Variants in NRXN1 observed in about 807,000 individuals in gnomAD.
NRXN1 encodes the protein neurexin 1, also known as neurexin-1.
Under a neutral mutation model 150.9 loss-of-function variants are expected in NRXN1, and 39 were observed. The ratio of observed to expected loss-of-function variants is 0.26; its 90% CI spans 0.20 to 0.34. The LOEUF (loss-of-function observed/expected upper bound fraction) is 0.34, where lower values mean the gene tolerates loss of function less well. Among genes scored for constraint, NRXN1 ranks in the 10% least tolerant of loss-of-function variants. The probability of loss-of-function intolerance (pLI) is 1.00; values close to 1 mark genes in which losing one functional copy is unlikely to be tolerated. For synonymous variants in NRXN1, 924 were observed against 757.0 expected, an observed-to-expected ratio of 1.22 and a Z score of -3.62; for missense variants, 1,815 against 1,949.9, an observed-to-expected ratio of 0.93 and a Z score of 1.30.
chr2:51,025,759 A>G lies in NRXN1; in HGVS notation c.772+1743T>C, dbSNP rs1370928745. 3.9e-5 allele frequency among the ~76,000 whole-genome samples: 6 copies of G among 152,334 alleles called. No individual in the cohort carries two copies. The East Asian group carries it at 5.8e-4, about 15-fold the overall frequency. On this transcript the variant is annotated intron_variant, in intron 2 of 22. Coordinates refer to ENST00000401669, the MANE Select transcript of NRXN1 (RefSeq NM_001330078.2). ...TTCATGATTCACAAGTAGATTTGCT[A>G]GAAGAAAAAAACTATCTTTTTTATT... is the stretch of plus-strand genomic sequence containing the variant.
At chr2:50,619,269 C>T (rs1679556274) in intron 8 of NRXN1, 1 of 152,026 alleles carries the variant, frequency 6.6e-6, no homozygotes, top group South Asian at 2.1e-4. Flanking sequence ...TCCAGTAGCC[C>T]AAAGAAATTG....
intron 17 of NRXN1, among the ~76,000 whole-genome samples, chr2:50,285,516 G>A (rs1034861377): frequency 7.9e-5 from 12 of 152,136 alleles, no homozygotes; most frequent in African/African-American, 2.9e-4. Context: ...GGAATACCCA[G>A]AGCAAACCCC....
At chr2:50,707,088 T>C (rs1170996052) in intron 5 of NRXN1, among the ~76,000 whole-genome samples, 1 of 152,154 alleles carries the variant, frequency 6.6e-6, no homozygotes, top group Admixed American at 6.5e-5. Context: ...ATTCACCTTA[T>C]TGTCTGAATA....
intron 18 of NRXN1, among the ~76,000 whole-genome samples, chr2:50,219,192 T>C (rs925604694): frequency 6.6e-6 from 1 of 152,076 alleles, no homozygotes; most frequent in Non-Finnish European, 1.5e-5. Context: ...CTAGCTTTCC[T>C]GCCATCTAAA....
Position 51,028,300 on chromosome 2 carries a change from G to C in NRXN1, c.-27C>G, listed in dbSNP as rs763074682. The C allele has an allele frequency of 5.0e-5, 70 of 1,407,696 alleles. No individual in the cohort carries two copies. The East Asian group carries it at 1.7e-3, about 33-fold the overall frequency. 87.2% of individuals were successfully genotyped at this position (1,407,696 alleles called of 1,614,324 possible). A position where few individuals can be genotyped will look rare whatever the true frequency, so the allele number is the denominator to read the frequency against. On this transcript the variant is annotated 5_prime_UTR_variant, in exon 2 of 23. Transcript: ENST00000401669. ...CTCGGGGCTGGGGTGCGGCGGGGGG[G>C]TGCCGGGGCCGACAGGGTCAAAATG...
intron 2 of NRXN1, among the ~76,000 whole-genome samples, chr2:50,968,365 CTT>C (rs1694450825): frequency 6.6e-6 from 1 of 152,104 alleles, no homozygotes; most frequent in Non-Finnish European, 1.5e-5. Flanking sequence ...TGTGTACTAA[CTT>C]AATATCAGCC....
chr2:50,331,127 A>C (rs1324831983), intron 17 of NRXN1, among the ~76,000 whole-genome samples: 1 of 152,162 alleles, frequency 6.6e-6, no homozygotes, highest in Non-Finnish European at 1.5e-5. Flanking sequence ...AAAAACCACA[A>C]ACATAAAAGG....
intron 5 of NRXN1, among the ~76,000 whole-genome samples, chr2:50,804,718 TC>T (rs1667286604): frequency 6.6e-6 from 1 of 152,196 alleles, no homozygotes. Context: ...CTGATTTCCT[TC>T]CTAATTCCCT....
At chr2:50,088,940 CATAAA>C (rs1318762697) in intron 19 of NRXN1, among the ~76,000 whole-genome samples, 3 of 152,010 alleles carry the variant, frequency 2.0e-5, no homozygotes, top group Admixed American at 6.5e-5. Flanking sequence ...TTTTTGAAAA[CATAAA>C]ATATTTACTA....
At chr2:50,622,580 T>C (rs1680222828) in intron 6 of NRXN1, among the ~76,000 whole-genome samples, 2 of 152,162 alleles carry the variant, frequency 1.3e-5, no homozygotes, top group African/African-American at 4.8e-5. Context: ...TATACTGTAA[T>C]CACGTATTCA....
At chr2:50,863,944 C>A (rs1161477272) in intron 5 of NRXN1, among the ~76,000 whole-genome samples, 1 of 151,982 alleles carries the variant, frequency 6.6e-6, no homozygotes, top group Non-Finnish European at 1.5e-5. Context: ...ACAGCACCTC[C>A]TCAGGTTGAA....
At chr2:50,428,266 T>C (rs1314143519) in intron 17 of NRXN1, among the ~76,000 whole-genome samples, 2 of 151,942 alleles carry the variant, frequency 1.3e-5, no homozygotes, top group Admixed American at 6.6e-5. Flanking sequence ...AATAAAACAT[T>C]TAGCTGGGCA....
At chr2:49,989,998 C>G (rs149444677) in intron 21 of NRXN1, among the ~76,000 whole-genome samples, 61 of 152,090 alleles carry the variant, frequency 4.0e-4, no homozygotes, top group African/African-American at 1.4e-3. Flanking sequence ...GGGCTCCAGG[C>G]CAGCTTCTAA....
intron 21 of NRXN1, among the ~76,000 whole-genome samples, chr2:50,027,366 C>CTTCT (rs1688500167): frequency 1.4e-5 from 1 of 71,186 alleles, no homozygotes; most frequent in Non-Finnish European, 2.9e-5. Flanking sequence ...TCCTTCGTTG[C>CTTCT]TTCCTTCCTT....
intron 21 of NRXN1, among the ~76,000 whole-genome samples, chr2:50,035,460 T>A (rs1689882702): frequency 6.6e-6 from 1 of 152,124 alleles, no homozygotes; most frequent in South Asian, 2.1e-4. Flanking sequence ...GCTGTTTAAT[T>A]AAGCAGATTT....
rs542416832 is a variant in NRXN1 at position 50,745,812 on chromosome 2, G to A, written c.833-122197C>T. 7.2e-5 allele frequency among the ~76,000 whole-genome samples: 11 copies of A among 152,104 alleles called. No individual in the cohort carries two copies. The South Asian group carries it at 1.0e-3, about 14-fold the overall frequency. On this transcript the variant is annotated intron_variant, in intron 5 of 22. Coordinates refer to ENST00000401669, the MANE Select transcript of NRXN1 (RefSeq NM_001330078.2). ...TCACCATCATGAGAATAGCATGGGGGAACTACCCCCATGATTCAATTACAT... is the reference window on the plus strand; with the variant it reads ...TCACCATCATGAGAATAGCATGGGGAAACTACCCCCATGATTCAATTACAT...
intron 2 of NRXN1, chr2:50,979,191 T>C (rs2104863307): frequency 2.0e-6 from 1 of 500,712 alleles, no homozygotes; most frequent in East Asian, 5.5e-5. Context: ...GTAATTTAAT[T>C]ACAGAAAGTA....
chr2:50,731,345 G>T (rs534311495), intron 5 of NRXN1, among the ~76,000 whole-genome samples: 1 of 152,148 alleles, frequency 6.6e-6, no homozygotes, highest in Non-Finnish European at 1.5e-5. Flanking sequence ...TCAAAAATAA[G>T]TTTATTCTGA....
At chr2:50,601,921 A>G (rs1312819920) in intron 8 of NRXN1, among the ~76,000 whole-genome samples, 4 of 152,192 alleles carry the variant, frequency 2.6e-5, no homozygotes, top group African/African-American at 9.6e-5. Context: ...TTGATCTGCA[A>G]TGTTCACCGG....
Sources: allele counts gnomAD v4.1 joint callset (sites outside exome capture counted in the v4.1 genomes callset), GRCh38; gene constraint gnomAD v4.1.1; transcripts MANE v1.5; gene names NCBI Gene and HGNC (gene_info 2026-07-23, HGNC 2026-07-21).